The following SAMD5 variants were observed in gnomAD, a reference collection of about 807,000 sequenced individuals.
SAMD5 encodes sterile alpha motif domain-containing protein 5.
In SAMD5, 13 loss-of-function variants were observed where a neutral mutation model predicts 11.3. The observed-to-expected ratio is 1.15, with a 90% CI of 0.75 to 1.83. The LOEUF (loss-of-function observed/expected upper bound fraction) is 1.83, where lower values mean the gene tolerates loss of function less well. Ranked by LOEUF, SAMD5 falls within the 40% of genes most tolerant of loss-of-function variation. The probability of loss-of-function intolerance (pLI) is 0.00; values close to 1 mark genes in which losing one functional copy is unlikely to be tolerated. For missense variants in SAMD5, 255 were observed against 239.1 expected (o/e 1.07, Z -0.44); for synonymous variants, 129 against 111.3 (o/e 1.16, Z -1.00).
the SAMD5 span, among the ~76,000 whole-genome samples, chr6:147,878,575 ATCTC>A: frequency 6.8e-6 from 1 of 147,718 alleles, no homozygotes; most frequent in Non-Finnish European, 1.5e-5. Context: ...TACTAGATAT[ATCTC>A]TATATAGATA....
chr6:147,527,187 A>G (rs1427984506), intron 1 of SAMD5, among the ~76,000 whole-genome samples: 1 of 152,228 alleles, frequency 6.6e-6, no homozygotes, highest in African/African-American at 2.4e-5. Flanking sequence ...ACATTGTTAT[A>G]AAGAAATACC....
chr6:147,922,222 C>T, the SAMD5 span, among the ~76,000 whole-genome samples: 3 of 152,280 alleles, frequency 2.0e-5, no homozygotes, highest in Admixed American at 6.5e-5. Flanking sequence ...CTGCTTCCCT[C>T]ACTACACTTA....
the SAMD5 span, chr6:147,743,034 AAAG>A: frequency 6.6e-6 from 1 of 152,224 alleles, no homozygotes; most frequent in Non-Finnish European, 1.5e-5. Flanking sequence ...GGGAATTTTT[AAAG>A]AACACCATAT....
At chr6:147,789,278 A>AACACACACACACACACACACAC in the SAMD5 span, among the ~76,000 whole-genome samples, 1 of 141,106 alleles carries the variant, frequency 7.1e-6, no homozygotes, top group African/African-American at 2.6e-5. Context: ...TCTCTAGAAA[A>AACACACACACACACACACACAC]ACACACACAC....
At chr6:147,788,519 T>C in the SAMD5 span, among the ~76,000 whole-genome samples, 1 of 152,224 alleles carries the variant, frequency 6.6e-6, no homozygotes, top group South Asian at 2.1e-4. Flanking sequence ...TTTTTAAATA[T>C]AGAAACACAT....
At chr6:147,756,693 T>A in the SAMD5 span, among the ~76,000 whole-genome samples, 1 of 152,218 alleles carries the variant, frequency 6.6e-6, no homozygotes, top group Non-Finnish European at 1.5e-5. Flanking sequence ...TTAATGTCCT[T>A]ATCAACCCTG....
chr6:147,646,008 GTCTATGTATCTA>G (rs72226236), intron 1 of SAMD5, among the ~76,000 whole-genome samples: 2,438 of 145,026 alleles, frequency 0.017, 61 homozygotes, highest in African/African-American at 0.054. Flanking sequence ...CTGTCTGTCT[GTCTATGTATCTA>G]TCTATGTATC....
At chr6:147,938,790 G>A in the SAMD5 span, among the ~76,000 whole-genome samples, 3 of 152,176 alleles carry the variant, frequency 2.0e-5, no homozygotes, top group Middle Eastern at 3.2e-3. Flanking sequence ...AGGAGTGGTC[G>A]ACTTGGTATG....
chr6:147,605,977 A>G (rs1789693979), intron 1 of SAMD5, among the ~76,000 whole-genome samples: 2 of 152,058 alleles, frequency 1.3e-5, no homozygotes, highest in Admixed American at 1.3e-4. Flanking sequence ...TACAGCAGAT[A>G]TTTGATGAAC....
At chr6:147,909,639 T>TCTCTC in the SAMD5 span, among the ~76,000 whole-genome samples, 8 of 138,934 alleles carry the variant, frequency 5.8e-5, no homozygotes, top group African/African-American at 2.5e-4. Flanking sequence ...TTTCTCTTTC[T>TCTCTC]TGTCTTTTGT....
chr6:147,799,247 C>G, the SAMD5 span, among the ~76,000 whole-genome samples: 29 of 151,902 alleles, frequency 1.9e-4, no homozygotes, highest in Non-Finnish European at 3.8e-4. Context: ...TTCAGGAGCT[C>G]TTTTAGGGCA....
chr6:147,905,400 CGAGCTCCT>C, the SAMD5 span, among the ~76,000 whole-genome samples: 1 of 152,088 alleles, frequency 6.6e-6, no homozygotes, highest in South Asian at 2.1e-4. Flanking sequence ...AGGCTGGGCT[CGAGCTCCT>C]GAGTTCAGGA....
chr6:147,864,431 C>T, the SAMD5 span, among the ~76,000 whole-genome samples: 1 of 152,192 alleles, frequency 6.6e-6, no homozygotes, highest in Non-Finnish European at 1.5e-5. Context: ...AACCGACCAT[C>T]TTGTGCTACG....
intron 1 of SAMD5, among the ~76,000 whole-genome samples, chr6:147,712,304 T>C (rs1441981353): frequency 6.6e-6 from 1 of 152,218 alleles, no homozygotes; most frequent in Non-Finnish European, 1.5e-5. Flanking sequence ...ATCAAATGGA[T>C]ATAGAAAAAC....
chr6:147,808,834 T>TC, the SAMD5 span, among the ~76,000 whole-genome samples: 1 of 152,174 alleles, frequency 6.6e-6, no homozygotes, highest in Non-Finnish European at 1.5e-5. Flanking sequence ...AGCAAAGCTG[T>TC]GGATATGAGG....
At chr6:147,598,688 G>T (rs1789571920) in intron 1 of SAMD5, among the ~76,000 whole-genome samples, 1 of 152,148 alleles carries the variant, frequency 6.6e-6, no homozygotes, top group African/African-American at 2.4e-5. Context: ...TGAATCCCCT[G>T]CAGAGTTAAG....
At chr6:147,762,828 G>T in the SAMD5 span, among the ~76,000 whole-genome samples, 1,650 of 152,272 alleles carry the variant, frequency 0.011, 29 homozygotes, top group East Asian at 0.075. Context: ...AGTTTTAGGT[G>T]ATGTGATGGG....
At chr6:147,910,794 G>A in the SAMD5 span, among the ~76,000 whole-genome samples, 2 of 152,126 alleles carry the variant, frequency 1.3e-5, no homozygotes, top group African/African-American at 2.4e-5. Flanking sequence ...TATAATTAAT[G>A]ACTAGTTATA....
rs1164762106 is a variant in SAMD5 at position 147,567,807 on chromosome 6, G to A, written c.*3351G>A. 1.0e-6 allele frequency: 1 copy of A among 985,152 alleles called. No individual in the cohort carries two copies. Among genetic ancestry groups the A allele is most frequent in the East Asian group, 1.1e-4 (1 of 8,818 alleles). The allele number at this position is 985,152 out of a possible 1,614,324, so 61.0% of individuals were successfully genotyped here. On this transcript the variant is annotated 3_prime_UTR_variant, in exon 2 of 2. Transcript: ENST00000367474. Reference sequence around the variant, plus strand: ...GATTTCTCTCAGGAAGGATAAAAAAGGCTACAGTACCTGCTCATAGGAGTT... The same window carrying A: ...GATTTCTCTCAGGAAGGATAAAAAAAGCTACAGTACCTGCTCATAGGAGTT...
Sources: gnomAD v4.1 joint callset for allele counts (sites outside exome capture counted in the v4.1 genomes callset) on GRCh38, gnomAD v4.1.1 for gene constraint, MANE v1.5 for transcripts, NCBI Gene and HGNC (gene_info 2026-07-23, HGNC 2026-07-21) for gene names.